The following TBC1D12 variants were observed in gnomAD, a reference collection of about 807,000 sequenced individuals.
The protein encoded by TBC1D12 is TBC1 domain family, member 12.
In TBC1D12, 56 loss-of-function variants were observed where a neutral mutation model predicts 86.7. The observed-to-expected ratio is 0.65, with a 90% CI of 0.52 to 0.81. The LOEUF is 0.81. TBC1D12 is among the 30% of genes least tolerant of loss of function. The pLI is 0.00. For missense variants in TBC1D12, 1,023 were observed against 1,038.8 expected, an observed-to-expected ratio of 0.98 and a Z score of 0.21; for synonymous variants, 421 against 411.7, an observed-to-expected ratio of 1.02 and a Z score of -0.27.
At position 94,414,000 on chromosome 10, in the gene TBC1D12, A is replaced by G. The variant is rs539302732; in HGVS notation, c.971+10416A>G. Among the ~76,000 whole-genome samples, 3 of 152,276 alleles carry G rather than the reference A, an allele frequency of 2.0e-5. 1 individual carries two copies. The South Asian group carries it at 6.2e-4, about 32-fold the overall frequency. On this transcript the variant is annotated intron_variant, in intron 1 of 12. Coordinates refer to ENST00000225235, the MANE Select transcript of TBC1D12 (RefSeq NM_015188.2). Reference sequence around the variant, plus strand: ...GTTCGTAGCCATCTTTTAGTCAAGTAGGGCAAATACTTCTTTTGTTGTTGT... The same window carrying G: ...GTTCGTAGCCATCTTTTAGTCAAGTGGGGCAAATACTTCTTTTGTTGTTGT...
chr10:94,520,285 G>T (rs1052671455), intron 9 of TBC1D12, among the ~76,000 whole-genome samples: 4 of 152,220 alleles, frequency 2.6e-5, no homozygotes, highest in African/African-American at 9.6e-5. Context: ...GGGTGCAGTG[G>T]CTCACGCCTG....
chr10:94,514,045 A>C (rs372558362), intron 9 of TBC1D12, among the ~76,000 whole-genome samples: 102 of 125,212 alleles, frequency 8.1e-4, no homozygotes, highest in South Asian at 1.6e-3. Flanking sequence ...ATCTCAAAAA[A>C]AAAACAAAAA....
At chr10:94,448,187 G>A (rs1339389312) in intron 2 of TBC1D12, among the ~76,000 whole-genome samples, 1 of 152,050 alleles carries the variant, frequency 6.6e-6, no homozygotes, top group Non-Finnish European at 1.5e-5. Flanking sequence ...TTAAGGCTTT[G>A]CTTTTGAAAT....
At position 94,441,796 on chromosome 10, in the gene TBC1D12, A is replaced by G. The variant is rs930892905; in HGVS notation, c.972-100A>G. 2.6e-6 allele frequency: 3 copies of G among 1,171,950 alleles called. No homozygotes were observed. The African/African-American group carries it at 4.7e-5, about 18-fold the overall frequency. 72.6% of individuals were successfully genotyped at this position (1,171,950 alleles called of 1,614,324 possible). A position where few individuals can be genotyped will look rare whatever the true frequency, so the allele number is the denominator to read the frequency against. ...AGTAGAAATAGTTTTATTTAAAAGT[A>G]TTTTTGTTTTTGCCTTGGGAACAAA... is the stretch of plus-strand genomic sequence containing the variant. On this transcript the variant is annotated intron_variant, in intron 1 of 12. Coordinates refer to ENST00000225235, the MANE Select transcript of TBC1D12 (RefSeq NM_015188.2).
chr10:94,531,911 T>TTATGTTATGTTATG (rs1452772265), intron 12 of TBC1D12, among the ~76,000 whole-genome samples: 1,288 of 71,900 alleles, frequency 0.018, 20 homozygotes, highest in East Asian at 0.021. Flanking sequence ...GTTATGTTAT[T>TTATGTTATGTTATG]TTATTGTCAC....
At chr10:94,500,472 G>A in intron 6 of TBC1D12, 145 bp downstream of exon 6, 1 of 517,550 alleles carries the variant, frequency 1.9e-6, no homozygotes, top group Admixed American at 3.9e-5. Flanking sequence ...CCCCTGTTAT[G>A]AAGCAGGTTA....
At chr10:94,487,822 G>C (rs187693622) in intron 3 of TBC1D12, among the ~76,000 whole-genome samples, 1 of 149,806 alleles carries the variant, frequency 6.7e-6, no homozygotes, top group East Asian at 2.0e-4. Flanking sequence ...TCAGACTCCC[G>C]AGTAGCTGGG....
rs2056205011 is a variant in TBC1D12 at position 94,488,712 on chromosome 10, A to G, written c.1212-4653A>G. 2.0e-5 allele frequency among the ~76,000 whole-genome samples: 3 copies of G among 151,722 alleles called. 1 individual carries two copies. Among genetic ancestry groups the G allele is most frequent in the East Asian group, 3.9e-4 (2 of 5,096 alleles). ...GGCCTCCAAGGGGTCTTTAGTCAGCATGTGATGAATCCTGCCAGGGCTGGA... is the reference window on the plus strand; with the variant it reads ...GGCCTCCAAGGGGTCTTTAGTCAGCGTGTGATGAATCCTGCCAGGGCTGGA... On this transcript the variant is annotated intron_variant, in intron 3 of 12. Coordinates refer to ENST00000225235, the MANE Select transcript of TBC1D12 (RefSeq NM_015188.2).
chr10:94,402,996 C>A lies in TBC1D12; in HGVS notation c.383C>A (p.Pro128Gln), dbSNP rs746902186. ...GCGGAGGTGGCTGATGGCCGCGCGC[C>A]GCGGCACGAAGGCATGACCAACGGC... ...RGAEVADGRAPRHEGMTNGDS... is the reference protein window; with the variant it reads ...RGAEVADGRAQRHEGMTNGDS... The change falls in exon 1 of 13, where the codon CCG (proline) becomes CAG (glutamine). Residue 128 changes from proline (P) to glutamine (Q), a missense_variant. This residue lies in a region of TBC1D12 where 628 missense variants were observed against 531.1 expected (regional missense o/e 1.18). Transcript: ENST00000225235. 6.3e-6 allele frequency: 10 copies of A among 1,575,592 alleles called. No individual in the cohort carries two copies. Among genetic ancestry groups the A allele is most frequent in the African/African-American group, 1.4e-5 (1 of 70,766 alleles).
At position 94,500,309 on chromosome 10, in the gene TBC1D12, G is replaced by T; in HGVS notation, c.1501G>T (p.Glu501Ter). 1 of 1,613,704 alleles carries T rather than the reference G, an allele frequency of 6.2e-7. No homozygotes were observed. The highest frequency in any genetic ancestry group is 1.1e-5 in the South Asian group (1 of 90,956). ...GKVWSLAVGN[E>*]LNITPELYEI... Reference sequence around the variant, plus strand: ...AGTTTGGAGTCTAGCTGTAGGAAATGAACTAAATATCACTCCTGGTTTGTA... The same window carrying T: ...AGTTTGGAGTCTAGCTGTAGGAAATTAACTAAATATCACTCCTGGTTTGTA... Residue 501 changes from glutamate to a stop codon, truncating the protein, a stop_gained, in exon 6 of 13, where the codon GAA (glutamate) becomes TAA (stop). Coordinates refer to ENST00000225235, the MANE Select transcript of TBC1D12 (RefSeq NM_015188.2). LOFTEE classifies it high-confidence loss of function.
chr10:94,443,960 A>G (rs2055416057), intron 2 of TBC1D12, among the ~76,000 whole-genome samples: 1 of 152,202 alleles, frequency 6.6e-6, no homozygotes, highest in Non-Finnish European at 1.5e-5. Context: ...ACTTGAGGTC[A>G]GGAGTTCAAG....
At chr10:94,442,773 C>G (rs1324578021) in intron 2 of TBC1D12, among the ~76,000 whole-genome samples, 1 of 152,124 alleles carries the variant, frequency 6.6e-6, no homozygotes, top group Non-Finnish European at 1.5e-5. Flanking sequence ...TTTAACACAG[C>G]TAGCATTTAT....
intron 11 of TBC1D12, among the ~76,000 whole-genome samples, chr10:94,523,129 G>C (rs896728598): frequency 4.6e-5 from 6 of 129,916 alleles, no homozygotes; most frequent in Non-Finnish European, 6.3e-5. Context: ...AGAGGCAGAT[G>C]TTGCAGTGAA....
intron 11 of TBC1D12, among the ~76,000 whole-genome samples, chr10:94,526,407 C>T (rs1842290534): frequency 6.9e-6 from 1 of 144,660 alleles, no homozygotes; most frequent in African/African-American, 2.6e-5. Flanking sequence ...CCAGCCTGAG[C>T]AACAGAACCA....
intron 1 of TBC1D12, among the ~76,000 whole-genome samples, chr10:94,418,819 C>T (rs969671115): frequency 1.1e-4 from 16 of 151,614 alleles, no homozygotes; most frequent in African/African-American, 3.4e-4. Context: ...GTGATCCACC[C>T]GCATCAGCCT....
intron 1 of TBC1D12, among the ~76,000 whole-genome samples, chr10:94,431,225 G>A (rs1245102179): frequency 6.6e-6 from 1 of 151,984 alleles, no homozygotes; most frequent in Non-Finnish European, 1.5e-5. Context: ...GACCAGCCTG[G>A]CCAACATGGA....
chr10:94,531,683 T>TTTTA (rs200802055), intron 12 of TBC1D12, among the ~76,000 whole-genome samples: 6 of 145,242 alleles, frequency 4.1e-5, no homozygotes, highest in Non-Finnish European at 7.5e-5. Context: ...TTTTATTTTA[T>TTTTA]TTTATGTTAT....
At chr10:94,501,189 G>A (rs978477825) in intron 6 of TBC1D12, among the ~76,000 whole-genome samples, 2 of 149,450 alleles carry the variant, frequency 1.3e-5, no homozygotes, top group African/African-American at 2.5e-5. Flanking sequence ...TGGCTCATGC[G>A]TGTAATCCCA....
chr10:94,524,171 G>A (rs10882470), intron 11 of TBC1D12, among the ~76,000 whole-genome samples: 62,791 of 151,772 alleles, frequency 0.41, 13,414 homozygotes, highest in East Asian at 0.76. Flanking sequence ...TACTTCCACC[G>A]TCTTTAACAA....
Sources: gnomAD v4.1 joint callset for allele counts (sites outside exome capture counted in the v4.1 genomes callset) on GRCh38, gnomAD v4.1.1 for gene constraint, gnomAD v4.1.1 regional missense constraint, MANE v1.5 for transcripts, NCBI Gene and HGNC (gene_info 2026-07-23, HGNC 2026-07-21) for gene names.